LRP1B: variants seen among roughly 807,000 people sequenced by gnomAD.
The protein encoded by LRP1B is LDL receptor related protein 1B, also known as low-density lipoprotein receptor-related protein 1B.
LRP1B carries 217 observed loss-of-function variants against 556.6 expected under a neutral mutation model. That is an observed-to-expected ratio of 0.39 (90% CI 0.35 to 0.44). The LOEUF (loss-of-function observed/expected upper bound fraction) is 0.44. Ranked by LOEUF, LRP1B falls within the 20% of genes least tolerant of loss-of-function variation. LRP1B has a pLI of 1.00. For missense variants in LRP1B, 5,053 were observed against 5,620.8 expected (o/e 0.90, Z 3.23); for synonymous variants, 2,047 against 1,865.8 (o/e 1.10, Z -2.50).
intron 79 of LRP1B, among the ~76,000 whole-genome samples, chr2:140,328,476 GA>G (rs71408448): frequency 0.34 from 48,637 of 141,294 alleles, 8,450 homozygotes; most frequent in Non-Finnish European, 0.42. Context: ...GAAAATGAAA[GA>G]AAAAAAAAAA....
chr2:142,005,218 CA>C (rs1702765927), intron 1 of LRP1B, among the ~76,000 whole-genome samples: 1 of 151,232 alleles, frequency 6.6e-6, no homozygotes, highest in Admixed American at 6.6e-5. Context: ...CCACTCGGTT[CA>C]AAAATGTACA....
intron 5 of LRP1B, among the ~76,000 whole-genome samples, chr2:141,244,371 A>C (rs1397276065): frequency 1.3e-5 from 2 of 152,088 alleles, no homozygotes; most frequent in Non-Finnish European, 2.9e-5. Flanking sequence ...TGTTTTCCAC[A>C]CTACCCAGCT....
intron 57 of LRP1B, among the ~76,000 whole-genome samples, chr2:140,489,071 G>A (rs1027561103): frequency 2.0e-5 from 3 of 151,900 alleles, no homozygotes; most frequent in Admixed American, 6.6e-5. Context: ...TTTTCCAAGG[G>A]CATTCAAGAC....
intron 2 of LRP1B, among the ~76,000 whole-genome samples, chr2:141,523,046 C>T (rs2105177203): frequency 6.6e-6 from 1 of 152,210 alleles, no homozygotes; most frequent in South Asian, 2.1e-4. Context: ...CTCTGACCAC[C>T]AGTTTATTTT....
chr2:142,129,321 G>C (rs972492376), intron 1 of LRP1B, among the ~76,000 whole-genome samples: 1 of 152,194 alleles, frequency 6.6e-6, no homozygotes, highest in African/African-American at 2.4e-5. Context: ...TCACCAATAA[G>C]TGTCAGATTT....
At chr2:140,948,818 A>AATT (rs565668968) in intron 20 of LRP1B, among the ~76,000 whole-genome samples, 3,195 of 152,342 alleles carry the variant, frequency 0.021, 42 homozygotes, top group Non-Finnish European at 0.026. Flanking sequence ...CAAGTTCTCC[A>AATT]GGTAAATTAA....
intron 60 of LRP1B, among the ~76,000 whole-genome samples, chr2:140,458,229 T>C (rs1558896249): frequency 6.6e-6 from 1 of 152,076 alleles, no homozygotes; most frequent in Non-Finnish European, 1.5e-5. Context: ...TGAGATGGGA[T>C]GGGGTAGAGG....
intron 43 of LRP1B, among the ~76,000 whole-genome samples, chr2:140,587,448 A>C (rs528903937): frequency 2.0e-5 from 3 of 152,332 alleles, no homozygotes; most frequent in Non-Finnish European, 4.4e-5. Context: ...AACTTGGAGT[A>C]CATTATGCTA....
chr2:141,887,783 A>C (rs1699171664), intron 1 of LRP1B, among the ~76,000 whole-genome samples: 3 of 152,222 alleles, frequency 2.0e-5, no homozygotes, highest in African/African-American at 7.2e-5. Context: ...TCATCTTCAC[A>C]ATTAGTTATA....
At chr2:141,384,507 G>A (rs1285114206) in intron 3 of LRP1B, among the ~76,000 whole-genome samples, 1 of 152,108 alleles carries the variant, frequency 6.6e-6, no homozygotes, top group Non-Finnish European at 1.5e-5. Flanking sequence ...GCTACGTAGT[G>A]TGGGAAAAAG....
At chr2:141,879,897 T>C (rs1369529) in intron 1 of LRP1B, among the ~76,000 whole-genome samples, 131,923 of 151,954 alleles carry the variant, frequency 0.87, 57,341 homozygotes, top group East Asian at 1. Context: ...TTGTAGCTTG[T>C]TGATGCACAC....
intron 2 of LRP1B, among the ~76,000 whole-genome samples, chr2:141,695,232 C>T (rs1463713522): frequency 6.6e-6 from 1 of 151,920 alleles, no homozygotes; most frequent in Non-Finnish European, 1.5e-5. Context: ...TGAGGAGGTG[C>T]ATAATATATA....
At chr2:140,735,805 C>G (rs1006881024) in intron 35 of LRP1B, among the ~76,000 whole-genome samples, 1 of 152,114 alleles carries the variant, frequency 6.6e-6, no homozygotes, top group East Asian at 1.9e-4. Flanking sequence ...TCTAACCCAA[C>G]TGGAGAATTA....
intron 11 of LRP1B, among the ~76,000 whole-genome samples, chr2:141,029,466 T>G (rs1261804931): frequency 6.6e-6 from 1 of 152,142 alleles, no homozygotes; most frequent in Admixed American, 6.5e-5. Flanking sequence ...GCTACTCACA[T>G]AGGCAGCTAA....
At chr2:141,558,723 A>C (rs777775045) in intron 2 of LRP1B, among the ~76,000 whole-genome samples, 24 of 151,744 alleles carry the variant, frequency 1.6e-4, no homozygotes, top group Non-Finnish European at 5.9e-5. Context: ...ATGTTTACGC[A>C]CTAATGGATT....
At chr2:141,691,730 T>G (rs1201725874) in intron 2 of LRP1B, among the ~76,000 whole-genome samples, 3 of 151,930 alleles carry the variant, frequency 2.0e-5, no homozygotes, top group Admixed American at 2.0e-4. Context: ...TTTTGTTTAT[T>G]TGTTTCTAGG....
In LRP1B at chr2:140,233,152, A is replaced by G. The variant is rs1210852911; in HGVS notation, c.*34T>C. On this transcript the variant is annotated 3_prime_UTR_variant, in exon 91 of 91. Coordinates refer to ENST00000389484, the MANE Select transcript of LRP1B (RefSeq NM_018557.3). ...CATACAAAAGTAATCCTTATATTTT[A>G]TACATTTATACAGCATATAAAAGAT... 7.2e-7 allele frequency: 1 copy of G among 1,379,318 alleles called. No homozygotes were observed. The highest frequency in any genetic ancestry group is 1.0e-6 in the Non-Finnish European group (1 of 1,002,834). 85.4% of individuals were successfully genotyped at this position (1,379,318 alleles called of 1,614,324 possible).
At position 141,214,532 on chromosome 2, in the gene LRP1B, C is replaced by T. The variant is rs982608762; in HGVS notation, c.850+14651G>A. 2.0e-5 allele frequency among the ~76,000 whole-genome samples: 3 copies of T among 152,016 alleles called. No homozygotes were observed. In the East Asian group the frequency reaches 5.8e-4, roughly 29 times the overall value. ...CCTTCACTGGAAAATGTCTACTCAG[C>T]CTAAGTGGAATAAAGGGTTAAAAGT... is the stretch of plus-strand genomic sequence containing the variant. On this transcript the variant is annotated intron_variant, in intron 6 of 90. Coordinates refer to ENST00000389484, the MANE Select transcript of LRP1B (RefSeq NM_018557.3).
intron 66 of LRP1B, among the ~76,000 whole-genome samples, chr2:140,388,022 T>C (rs13013406): frequency 0.088 from 13,267 of 151,568 alleles, 685 homozygotes; most frequent in Middle Eastern, 0.14. Context: ...CTGCAACCTC[T>C]GCTTCCTGAG....
Sources: allele counts gnomAD v4.1 joint callset (sites outside exome capture counted in the v4.1 genomes callset), GRCh38; gene constraint gnomAD v4.1.1; transcripts MANE v1.5; gene names NCBI Gene and HGNC (gene_info 2026-07-23, HGNC 2026-07-21).